ARFGEF3: variants seen among roughly 807,000 people sequenced by gnomAD.
The protein encoded by ARFGEF3 is brefeldin A-inhibited guanine nucleotide-exchange protein 3.
Under a neutral mutation model 221.7 loss-of-function variants are expected in ARFGEF3, and 96 were observed. The observed-to-expected ratio is 0.43, with a 90% confidence interval of 0.37 to 0.51. The LOEUF is 0.51. Ranked by LOEUF, ARFGEF3 falls within the 20% of genes least tolerant of loss-of-function variation. ARFGEF3 has a pLI of 0.00. For synonymous variants in ARFGEF3, 1,145 were observed against 1,126.8 expected (o/e 1.02, Z -0.32); for missense variants, 2,410 against 2,789.9 (o/e 0.86, Z 3.07).
At position 138,242,968 on chromosome 6, in the gene ARFGEF3, A is replaced by G. The variant is rs188635873; in HGVS notation, c.560A>G (p.Asp187Gly). 2.5e-6 allele frequency: 4 copies of G among 1,612,454 alleles called. No individual in the cohort carries two copies. Among genetic ancestry groups the G allele is most frequent in the East Asian group, 2.2e-5 (1 of 44,870 alleles). Residue 187 changes from aspartate to glycine, a missense_variant, in exon 7 of 34, where the codon GAT (aspartate) becomes GGT (glycine). Physicochemically the swap from Asp to Gly is moderately conservative, Grantham distance 94 (BLOSUM62 -1). Around this residue, in one of 5 missense-constraint regions of ARFGEF3, gnomAD observed 570 missense variants for 586.9 expected, o/e 0.97. Coordinates refer to ENST00000251691, the MANE Select transcript of ARFGEF3 (RefSeq NM_020340.5). ...CCTTACTAGATAATTGAAAACCCAG[A>G]TGTCCCACAGGATTTCGGGAATCAA... is the stretch of plus-strand genomic sequence containing the variant. Reference protein sequence around the residue: ...RQENTIIENPDVPQDFGNQGS... With the variant: ...RQENTIIENPGVPQDFGNQGS...
chr6:138,336,483 G>A lies in ARFGEF3; in HGVS notation c.6531G>A (p.Val2177=). The change falls in exon 34 of 34, where the codon GTG becomes GTA. Residue 2177 remains valine, a synonymous_variant. Coordinates refer to ENST00000251691, the MANE Select transcript of ARFGEF3 (RefSeq NM_020340.5). ...TGGGCCGTGTCTATGACATCATTGT[G>A]TAGCCGACTCCTGTTCTACTCTCCC... ...GRVGRVYDII[V] is the part of the protein sequence containing the mutation. 6.2e-7 allele frequency: 1 copy of A among 1,603,270 alleles called. No homozygotes were observed. The highest frequency in any genetic ancestry group is 1.1e-5 in the South Asian group (1 of 88,894).
intron 12 of ARFGEF3, among the ~76,000 whole-genome samples, chr6:138,265,745 T>G (rs537895241): frequency 6.6e-6 from 1 of 152,188 alleles, no homozygotes; most frequent in African/African-American, 2.4e-5. Flanking sequence ...GTACAGCTTA[T>G]TCTCAATAAA....
chr6:138,290,932 GAAAAGAA>G (rs1779391957), intron 18 of ARFGEF3, among the ~76,000 whole-genome samples: 1 of 152,020 alleles, frequency 6.6e-6, no homozygotes, highest in Non-Finnish European at 1.5e-5. Context: ...AACAAGAAAA[GAAAAGAA>G]AAAAGAAAAT....
At chr6:138,277,594 G>A (rs934684348) in intron 12 of ARFGEF3, among the ~76,000 whole-genome samples, 4 of 152,120 alleles carry the variant, frequency 2.6e-5, no homozygotes, top group African/African-American at 7.2e-5. Flanking sequence ...ATGCATTATT[G>A]CATCTAATTC....
intron 1 of ARFGEF3, among the ~76,000 whole-genome samples, chr6:138,165,459 C>A (rs980568361): frequency 1.1e-4 from 17 of 151,598 alleles, no homozygotes; most frequent in Admixed American, 6.6e-4. Flanking sequence ...AGGGTCATTC[C>A]CCACTGAGAC....
At chr6:138,330,619 G>A (rs1440683762) in intron 32 of ARFGEF3, among the ~76,000 whole-genome samples, 5 of 152,132 alleles carry the variant, frequency 3.3e-5, no homozygotes, top group Non-Finnish European at 4.4e-5. Context: ...GCAGTGAGCC[G>A]AGATCACGCC....
intron 24 of ARFGEF3, 58 bp from the exon 25 acceptor site, chr6:138,311,349 T>C: frequency 9.2e-7 from 1 of 1,086,882 alleles, no homozygotes; most frequent in Non-Finnish European, 1.4e-6. Context: ...AGGTCTCCTG[T>C]TACAGGGGGG....
Position 138,245,550 on chromosome 6 carries a change from T to C in ARFGEF3, c.624T>C (p.Ser208=). ...TVESLCDDVV[S]VLTVLCEKLQ... ...AGTCCCTCTGTGATGATGTTGTCTC[T>C]GTACTCACCGTCCTGTGTGAGAAGC... Residue 208 remains serine (S), a synonymous_variant, in exon 8 of 34, where the codon TCT becomes TCC. Transcript: ENST00000251691. 6.2e-7 allele frequency: 1 copy of C among 1,611,162 alleles called. No individual in the cohort carries two copies.
intron 14 of ARFGEF3, among the ~76,000 whole-genome samples, chr6:138,282,854 G>A (rs1268108539): frequency 6.6e-6 from 1 of 152,108 alleles, no homozygotes; most frequent in Non-Finnish European, 1.5e-5. Context: ...TTCAAGACCA[G>A]CCTGGCCAAC....
At chr6:138,183,754 G>T (rs1269899296) in intron 2 of ARFGEF3, among the ~76,000 whole-genome samples, 2 of 152,104 alleles carry the variant, frequency 1.3e-5, no homozygotes, top group African/African-American at 4.8e-5. Flanking sequence ...ATGCCTTTTG[G>T]GACCTCGAGC....
chr6:138,282,473 G>T (rs1038091802), intron 14 of ARFGEF3, among the ~76,000 whole-genome samples: 2 of 152,140 alleles, frequency 1.3e-5, no homozygotes, highest in Non-Finnish European at 2.9e-5. Context: ...TGGCACTGGG[G>T]GCTCTTACAA....
In ARFGEF3 at chr6:138,338,193, A is replaced by G. The variant is rs562464280; in HGVS notation, c.*1707A>G. 6.6e-6 allele frequency: 1 copy of G among 152,348 alleles called. No homozygotes were observed. The highest frequency in any genetic ancestry group is 6.5e-5 in the Admixed American group (1 of 15,302). The allele number at this position is 152,348 out of a possible 1,614,324, so 9.4% of individuals were successfully genotyped here. On this transcript the variant is annotated 3_prime_UTR_variant, in exon 34 of 34. Coordinates refer to ENST00000251691, the MANE Select transcript of ARFGEF3 (RefSeq NM_020340.5). ...CAAGTTTAGAAACAGGTAATCAGCT[A>G]TTTGATCTTAAAAGGCAATGAATTG...
chr6:138,208,228 G>C (rs985616982), intron 3 of ARFGEF3, among the ~76,000 whole-genome samples: 1 of 152,070 alleles, frequency 6.6e-6, no homozygotes, highest in Non-Finnish European at 1.5e-5. Context: ...AAGCAACTTG[G>C]TGGGCTGTGA....
At chr6:138,210,188 C>T (rs1277777167) in intron 4 of ARFGEF3, 147 bp downstream of exon 4, 2 of 747,362 alleles carry the variant, frequency 2.7e-6, no homozygotes, top group Non-Finnish European at 4.2e-6. Flanking sequence ...TGCTCATGGT[C>T]CCCCTAAATT....
chr6:138,190,448 T>G (rs3813339), intron 2 of ARFGEF3, among the ~76,000 whole-genome samples: 11,166 of 152,162 alleles, frequency 0.073, 796 homozygotes, highest in East Asian at 0.37. Context: ...ATTCTGAGCC[T>G]TAAATGGTAC....
At chr6:138,170,832 C>T in intron 2 of ARFGEF3, 119 bp downstream of exon 2, 1 of 616,608 alleles carries the variant, frequency 1.6e-6, no homozygotes, top group Non-Finnish European at 2.9e-6. Context: ...CAGAATACTA[C>T]AGACTGGGTG....
At chr6:138,192,497 C>T (rs943419931) in intron 2 of ARFGEF3, among the ~76,000 whole-genome samples, 5 of 128,130 alleles carry the variant, frequency 3.9e-5, no homozygotes, top group African/African-American at 1.7e-4. Flanking sequence ...CAAAAAAAAA[C>T]TAACCAAACA....
intron 14 of ARFGEF3, among the ~76,000 whole-genome samples, chr6:138,280,883 C>T (rs1214954860): frequency 6.6e-6 from 1 of 151,602 alleles, no homozygotes; most frequent in East Asian, 1.9e-4. Context: ...TCCGTTTATC[C>T]ATATCAGAGG....
At chr6:138,333,079 A>C (rs1780256311) in intron 32 of ARFGEF3, among the ~76,000 whole-genome samples, 1 of 152,248 alleles carries the variant, frequency 6.6e-6, no homozygotes, top group Non-Finnish European at 1.5e-5. Flanking sequence ...TTGGGGCATT[A>C]ATTGGCCATA....
Sources: allele counts gnomAD v4.1 joint callset (sites outside exome capture counted in the v4.1 genomes callset), GRCh38; gene constraint gnomAD v4.1.1; regional missense constraint gnomAD v4.1.1; transcripts MANE v1.5; gene names NCBI Gene and HGNC (gene_info 2026-07-23, HGNC 2026-07-21).